Variants in C1orf87 observed in about 807,000 individuals in gnomAD.
The protein encoded by C1orf87 is uncharacterized protein C1orf87.
A neutral mutation model predicts 60.5 loss-of-function variants in C1orf87; 58 were observed. The observed-to-expected ratio is 0.96, with a 90% CI of 0.78 to 1.19. C1orf87 has a LOEUF of 1.19. Ranked by LOEUF, C1orf87 falls within the 50% of genes most tolerant of loss-of-function variation. C1orf87 has a pLI of 0.00. For missense variants in C1orf87, 673 were observed against 638.6 expected (o/e 1.05, Z -0.58); for synonymous variants, 236 against 227.4 (o/e 1.04, Z -0.34).
At chr1:60,022,780 T>C (rs2100272583) in intron 8 of C1orf87, among the ~76,000 whole-genome samples, 1 of 152,026 alleles carries the variant, frequency 6.6e-6, no homozygotes. Context: ...AATAAGCAAA[T>C]AAGCAAAATA....
At chr1:60,008,572 G>A (rs1645061669) in intron 9 of C1orf87, 1 of 288,252 alleles carries the variant, frequency 3.5e-6, no homozygotes, top group African/African-American at 2.2e-5. Context: ...ACAAGAAGAG[G>A]AAATTTAGAC....
chr1:60,002,622 A>G (rs1449792119), intron 9 of C1orf87, among the ~76,000 whole-genome samples: 1 of 151,920 alleles, frequency 6.6e-6, no homozygotes, highest in African/African-American at 2.4e-5. Context: ...GCTGTGCAGA[A>G]GCTCTTTAGT....
chr1:60,064,300 T>TTA (rs1005988196), intron 2 of C1orf87, among the ~76,000 whole-genome samples: 3 of 129,218 alleles, frequency 2.3e-5, no homozygotes, highest in African/African-American at 9.0e-5. Context: ...TATATATATT[T>TTA]TATATATAAT....
rs752372690 is a variant in C1orf87 at position 60,033,640 on chromosome 1, T to A, written c.865A>T (p.Thr289Ser). Residue 289 changes from threonine (T) to serine (S), a missense_variant and splice_region_variant, in exon 7 of 12, where the codon ACT (threonine) becomes TCT (serine). Transcript: ENST00000371201. ...TGTGAGCTGGAGTGCTGAGGTGGAG[T>A]GCTGATTGTAGGGGAAATGGGGAAG... ...TESHGTHSQS[T>S]PPQHSSSQPE... The A allele has an allele frequency of 6.2e-7, 1 of 1,610,100 alleles. No individual in the cohort carries two copies. Among genetic ancestry groups the A allele is most frequent in the Non-Finnish European group, 8.5e-7 (1 of 1,178,220 alleles).
intron 8 of C1orf87, 90 bp downstream of exon 8, chr1:60,025,311 A>G: frequency 6.7e-6 from 7 of 1,049,214 alleles, no homozygotes; most frequent in Admixed American, 2.1e-5. Context: ...GTCTCCAAAA[A>G]CCATCATATT....
chr1:60,001,238 A>C, intron 9 of C1orf87, 82 bp from the exon 10 acceptor site: 1 of 952,604 alleles, frequency 1.0e-6, no homozygotes, highest in African/African-American at 2.2e-5. Flanking sequence ...AGGCAACAAC[A>C]ACAGCAACAA....
intron 2 of C1orf87, among the ~76,000 whole-genome samples, chr1:60,070,210 C>T (rs1471505413): frequency 6.6e-6 from 1 of 152,170 alleles, no homozygotes; most frequent in Admixed American, 6.5e-5. Flanking sequence ...AAAAGGCTAC[C>T]TTCAAGTCTG....
intron 7 of C1orf87, among the ~76,000 whole-genome samples, chr1:60,027,491 C>T (rs1645207796): frequency 6.6e-6 from 1 of 152,214 alleles, no homozygotes; most frequent in Admixed American, 6.5e-5. Flanking sequence ...GTGTGGCGTG[C>T]CTGCTCCTCT....
At chr1:59,996,427 T>C (rs76455536) in intron 11 of C1orf87, among the ~76,000 whole-genome samples, 2,401 of 152,300 alleles carry the variant, frequency 0.016, 53 homozygotes, top group African/African-American at 0.055. Context: ...AGGATCCTTC[T>C]GAAGTACAAC....
intron 2 of C1orf87, among the ~76,000 whole-genome samples, chr1:60,061,800 AAAT>A (rs1224177985): frequency 2.7e-5 from 4 of 150,748 alleles, no homozygotes; most frequent in Admixed American, 2.0e-4. Flanking sequence ...AAAAAAAAAA[AAAT>A]AGCTGGGCTT....
intron 3 of C1orf87, among the ~76,000 whole-genome samples, chr1:60,053,050 AAT>A (rs1645425974): frequency 6.6e-6 from 1 of 152,212 alleles, no homozygotes; most frequent in Non-Finnish European, 1.5e-5. Context: ...CGAGCTAGCA[AAT>A]AATCCAGATC....
chr1:59,999,948 C>T (rs1235016046), intron 10 of C1orf87, among the ~76,000 whole-genome samples: 26 of 152,164 alleles, frequency 1.7e-4, no homozygotes, highest in Admixed American at 1.4e-3. Flanking sequence ...TCCCCAACAG[C>T]GCCAGGCTGG....
chr1:60,064,629 TAA>T (rs1491166359), intron 2 of C1orf87, among the ~76,000 whole-genome samples: 4 of 32,320 alleles, frequency 1.2e-4, no homozygotes, highest in Admixed American at 4.1e-4. Context: ...ATCATATATA[TAA>T]ATATATATGA....
rs192133843 is a variant in C1orf87 at position 60,040,128 on chromosome 1, G to A, written c.536C>T (p.Ala179Val). The A allele has an allele frequency of 1.5e-4, 245 of 1,614,086 alleles. No homozygotes were observed. The Middle Eastern group carries it at 2.6e-3, about 17-fold the overall frequency. ...GTTNEDAFLL[A>V]LVRRELKSRP... ...TGACTTGAGTTCTCTTCTGACCAGG[G>A]CAAGAAGAAAAGCGTCTTCATTTGT... Residue 179 changes from alanine (A) to valine (V), a missense_variant, in exon 5 of 12, where the codon GCC becomes GTC. Physicochemically the swap from Ala to Val is moderately conservative, Grantham distance 64. Coordinates refer to ENST00000371201, the MANE Select transcript of C1orf87 (RefSeq NM_152377.3).
At chr1:59,999,750 A>G (rs897223674) in intron 10 of C1orf87, among the ~76,000 whole-genome samples, 1 of 152,108 alleles carries the variant, frequency 6.6e-6, no homozygotes, top group African/African-American at 2.4e-5. Flanking sequence ...ATCTTCTTTT[A>G]GTCCTATATA....
At chr1:60,032,375 C>T (rs1286830166) in intron 7 of C1orf87, among the ~76,000 whole-genome samples, 1 of 150,880 alleles carries the variant, frequency 6.6e-6, no homozygotes, top group Non-Finnish European at 1.5e-5. Flanking sequence ...GAATCCTGGC[C>T]TTGCCACTTG....
rs1645291339 is a variant in C1orf87 at position 60,038,093 on chromosome 1, C to T, written c.762G>A (p.Lys254=). ...RGSPEMVNYE[K]LLWFLNSAAS... is the part of the protein sequence containing the mutation. ...CTGCACTGTTTAAAAACCAGAGTAGCTTTTCATAATTCACCTGAAAATTAA... is the reference window on the plus strand; with the variant it reads ...CTGCACTGTTTAAAAACCAGAGTAGTTTTTCATAATTCACCTGAAAATTAA... Residue 254 remains lysine, a synonymous_variant, in exon 6 of 12, where the codon AAG becomes AAA. Transcript: ENST00000371201. 3.9e-6 allele frequency: 6 copies of T among 1,547,238 alleles called. No homozygotes were observed. The South Asian group carries it at 6.1e-5, about 16-fold the overall frequency.
In C1orf87 at chr1:60,067,559, GGTTTTTT is replaced by G. The variant is rs1327361951; in HGVS notation, c.107+4971_107+4977del. ...ATATCTTTTGCCCACTTTTTGATGG[GGTTTTTT>G]TTTTTTTTTTTTTTTTGGTAAATTT... is the stretch of plus-strand genomic sequence containing the variant. On this transcript the variant is annotated intron_variant, in intron 2 of 11. Transcript: ENST00000371201. Among the ~76,000 whole-genome samples the G allele has an allele frequency of 2.9e-4, 39 of 133,056 alleles. 1 individual carries two copies. The highest frequency in any genetic ancestry group is 2.8e-3 in the Admixed American group (37 of 13,360). The allele number at this position is 133,056 out of a possible 152,430, so 87.3% of individuals were successfully genotyped here.
chr1:60,031,616 C>T lies in C1orf87; in HGVS notation c.1029+1860G>A, dbSNP rs1645238312. 2.0e-5 allele frequency among the ~76,000 whole-genome samples: 3 copies of T among 152,126 alleles called. No homozygotes were observed. The South Asian group carries it at 6.2e-4, about 32-fold the overall frequency. On this transcript the variant is annotated intron_variant, in intron 7 of 11. Transcript: ENST00000371201. ...CATATTTAGTGAGGGCCTTATAAAT[C>T]AGATAGTATGCTAAATGCCTTCACA... is the stretch of plus-strand genomic sequence containing the variant.
Sources: gnomAD v4.1 joint callset for allele counts (sites outside exome capture counted in the v4.1 genomes callset) on GRCh38, gnomAD v4.1.1 for gene constraint, MANE v1.5 for transcripts, NCBI Gene and HGNC (gene_info 2026-07-23, HGNC 2026-07-21) for gene names.